The following MEAK7 variants were observed in gnomAD, a reference collection of about 807,000 sequenced individuals.
MEAK7 encodes MTOR associated protein MEAK7.
Under a neutral mutation model 40.5 loss-of-function variants are expected in MEAK7, and 68 were observed. The observed-to-expected ratio is 1.68, with a 90% CI of 1.38 to 2.06. MEAK7 has a LOEUF of 2.06. MEAK7 is among the 30% of genes most tolerant of loss of function. The pLI is 0.00. For synonymous variants in MEAK7, 338 were observed against 231.9 expected (o/e 1.46, Z -4.16); for missense variants, 918 against 580.5 (o/e 1.58, Z -5.98).
At chr16:84,498,216 C>A (rs146388880) in intron 1 of MEAK7, 105 bp from the exon 2 acceptor site, 2 of 1,323,666 alleles carry the variant, frequency 1.5e-6, no homozygotes, top group East Asian at 2.4e-5. Flanking sequence ...GATATAGCCA[C>A]AAAATGTAGC....
intron 1 of MEAK7, among the ~76,000 whole-genome samples, chr16:84,503,696 T>C (rs1001855755): frequency 2.0e-5 from 3 of 152,116 alleles, no homozygotes; most frequent in Admixed American, 6.6e-5. Flanking sequence ...CTTGGGATCT[T>C]GTCTTAGAAC....
At chr16:84,504,443 C>T (rs909917188) in intron 1 of MEAK7, among the ~76,000 whole-genome samples, 158 bp downstream of exon 1, 1 of 149,654 alleles carries the variant, frequency 6.7e-6, no homozygotes, top group African/African-American at 2.4e-5. Flanking sequence ...CCGCAGCCTT[C>T]ACCTCTCCCT....
chr16:84,501,414 C>A (rs1914495774), intron 1 of MEAK7, among the ~76,000 whole-genome samples: 1 of 152,144 alleles, frequency 6.6e-6, no homozygotes, highest in African/African-American at 2.4e-5. Flanking sequence ...CACCCCAACT[C>A]CCACTTTCTG....
chr16:84,480,112 G>A (rs1912393040), intron 7 of MEAK7, 86 bp from the exon 8 acceptor site: 1 of 1,105,096 alleles, frequency 9.0e-7, no homozygotes. Context: ...GCCTTCTTGG[G>A]TGGAATCAGG....
At chr16:84,490,090 T>A (rs1449605324) in intron 3 of MEAK7, among the ~76,000 whole-genome samples, 1 of 152,172 alleles carries the variant, frequency 6.6e-6, no homozygotes, top group Non-Finnish European at 1.5e-5. Flanking sequence ...GAGCACTCAG[T>A]AATTGTACAA....
intron 1 of MEAK7, among the ~76,000 whole-genome samples, chr16:84,499,596 C>A (rs1300098102): frequency 6.6e-6 from 1 of 152,106 alleles, no homozygotes; most frequent in Non-Finnish European, 1.5e-5. Context: ...ACGGTGCAAC[C>A]CTCACAGATC....
chr16:84,490,281 A>G (rs438594), intron 3 of MEAK7, among the ~76,000 whole-genome samples: 27 of 52,038 alleles, frequency 5.2e-4, no homozygotes, highest in Non-Finnish European at 9.2e-4. Flanking sequence ...TAGCTGGGGG[A>G]AAAAAAAAAA....
At position 84,486,975 on chromosome 16, in the gene MEAK7, T is replaced by C; in HGVS notation, c.614A>G (p.His205Arg). Reference sequence around the variant, plus strand: ...GACCACACTCAGGAATATGGCCACATGGGGGACCCTGAACACCCAGTCCTC... The same window carrying C: ...GACCACACTCAGGAATATGGCCACACGGGGGACCCTGAACACCCAGTCCTC... ...VIEDWVFRVP[H>R]VAIFLSVVIC... The change falls in exon 5 of 8, where the codon CAT (histidine) becomes CGT (arginine). Residue 205 changes from histidine to arginine, a missense_variant. Transcript: ENST00000343629. 2 of 1,614,124 alleles carry C rather than the reference T, an allele frequency of 1.2e-6. No homozygotes were observed. The highest frequency in any genetic ancestry group is 2.2e-5 in the South Asian group (2 of 91,072).
chr16:84,497,558 C>T lies in MEAK7; in HGVS notation c.153+376G>A, dbSNP rs1278212737. 14 of 1,295,612 alleles carry T rather than the reference C, an allele frequency of 1.1e-5. No homozygotes were observed. In the Admixed American group the frequency reaches 2.7e-4, roughly 25 times the overall value. The allele number at this position is 1,295,612 out of a possible 1,614,324, so 80.3% of individuals were successfully genotyped here. ...GACGTGGTTCAAGAGACACACGAGG[C>T]AGGCTATCTCTCTCCTCTGATGTTC... On this transcript the variant is annotated intron_variant, in intron 2 of 7. Transcript: ENST00000343629.
At chr16:84,486,377 A>G (rs895711467) in intron 5 of MEAK7, 1 of 1,185,148 alleles carries the variant, frequency 8.4e-7, no homozygotes, top group African/African-American at 1.5e-5. Context: ...CCCACGCCCC[A>G]TAGACCCGGC....
chr16:84,483,783 G>T (rs1205064313), intron 5 of MEAK7, among the ~76,000 whole-genome samples: 2 of 152,202 alleles, frequency 1.3e-5, no homozygotes, highest in Admixed American at 1.3e-4. Flanking sequence ...AAACAGAGCT[G>T]GCTGGGGCAA....
intron 4 of MEAK7, chr16:84,487,336 G>A (rs1475316510): frequency 1.1e-5 from 3 of 275,812 alleles, no homozygotes; most frequent in Admixed American, 6.9e-5. Flanking sequence ...GTTTTCCCCT[G>A]TTTCTCTTTA....
rs1407509581 is a variant in MEAK7 at position 84,489,283 on chromosome 16, A to T, written c.524T>A (p.Leu175Gln). Residue 175 changes from leucine (L) to glutamine (Q), a missense_variant, in exon 4 of 8, where the codon CTG (leucine) becomes CAG (glutamine). Leu to Gln is a moderately radical substitution (Grantham distance 113). Transcript: ENST00000343629. ...LAAQLLSDMKLQDGKRLLGPQ... is the reference protein window; with the variant it reads ...LAAQLLSDMKQQDGKRLLGPQ... ...CCGCGTCCACGCACACTTGCCTTGC[A>T]GCTTCATGTCAGAGAGCAGCTGAGC... 1.2e-6 allele frequency: 2 copies of T among 1,614,040 alleles called. No homozygotes were observed. Among genetic ancestry groups the T allele is most frequent in the East Asian group, 4.5e-5 (2 of 44,878 alleles).
At chr16:84,497,390 C>A in intron 2 of MEAK7, 2 of 1,263,044 alleles carry the variant, frequency 1.6e-6, no homozygotes, top group Non-Finnish European at 2.1e-6. Context: ...TTAGGAATAT[C>A]ATGAAATTCC....
chr16:84,488,719 G>C (rs1183380096), intron 4 of MEAK7, among the ~76,000 whole-genome samples: 1 of 152,164 alleles, frequency 6.6e-6, no homozygotes, highest in East Asian at 1.9e-4. Flanking sequence ...AATCCTAAGG[G>C]ACATTAGAAA....
At chr16:84,481,876 G>A (rs79263209) in intron 6 of MEAK7, among the ~76,000 whole-genome samples, 87 of 152,298 alleles carry the variant, frequency 5.7e-4, no homozygotes, top group East Asian at 3.5e-3. Context: ...GGAGCTTGCA[G>A]TGAGCCGAGA....
At chr16:84,489,570 G>C (rs916836727) in intron 3 of MEAK7, 148 bp from the exon 4 acceptor site, 1 of 966,378 alleles carries the variant, frequency 1.0e-6, no homozygotes, top group Non-Finnish European at 1.5e-6. Flanking sequence ...GTAGTTACTC[G>C]TTTTTCTAAT....
intron 5 of MEAK7, among the ~76,000 whole-genome samples, chr16:84,484,327 C>T (rs1230093686): frequency 6.6e-6 from 1 of 152,302 alleles, no homozygotes; most frequent in East Asian, 1.9e-4. Context: ...TAAAACAATA[C>T]CCAAGCGTGC....
chr16:84,487,129 C>A (rs1254478130), intron 4 of MEAK7, 70 bp from the exon 5 acceptor site: 1 of 1,490,504 alleles, frequency 6.7e-7, no homozygotes, highest in Non-Finnish European at 9.0e-7. Flanking sequence ...TAAACCCACA[C>A]TGATCAGTGT....
Sources: allele counts gnomAD v4.1 joint callset (sites outside exome capture counted in the v4.1 genomes callset), GRCh38; gene constraint gnomAD v4.1.1; transcripts MANE v1.5; gene names NCBI Gene and HGNC (gene_info 2026-07-23, HGNC 2026-07-21).